RAB8A: variants seen among roughly 807,000 people sequenced by gnomAD.
RAB8A encodes the protein RAB8A, member RAS oncogene family.
A neutral mutation model predicts 29.2 loss-of-function variants in RAB8A; 5 were observed. The ratio of observed to expected loss-of-function variants is 0.17; its 90% confidence interval spans 0.09 to 0.36. The LOEUF is 0.36. Ranked by LOEUF, RAB8A falls within the 10% of genes least tolerant of loss-of-function variation. The pLI is 1.00. For synonymous variants in RAB8A, 108 were observed against 99.9 expected (o/e 1.08, Z -0.49); for missense variants, 171 against 272.2 (o/e 0.63, Z 2.62).
chr19:16,125,742 AC>A lies in RAB8A; in HGVS notation c.324+199del. On this transcript the variant is annotated intron_variant, in intron 4 of 7. Coordinates refer to ENST00000300935, the MANE Select transcript of RAB8A (RefSeq NM_005370.5). This position sits in a 1 kb window ranked among gnomAD's most constrained non-coding sequence, Gnocchi z 5.0. Reference sequence around the variant, plus strand: ...AGGGACCACACACTGGCCTGGCCCCACCCCGGAGCCCCTCGGAGCCCATCCC... The same window carrying A: ...AGGGACCACACACTGGCCTGGCCCCACCCGGAGCCCCTCGGAGCCCATCCC... The A allele has an allele frequency of 1.4e-6, 1 of 694,232 alleles. No homozygotes were observed. Among genetic ancestry groups the A allele is most frequent in the Non-Finnish European group, 2.6e-6 (1 of 379,960 alleles). 43.0% of individuals were successfully genotyped at this position (694,232 alleles called of 1,614,324 possible).
rs191138852 is a variant in RAB8A at position 16,112,321 on chromosome 19, C to T, written c.124+296C>T. ...CTTCGCGCCCGTCCTCTCGATCTGT[C>T]CTAGCAGCAGCCCTCGAAGCGGTTC... On this transcript the variant is annotated intron_variant, in intron 1 of 7. Coordinates refer to ENST00000300935, the MANE Select transcript of RAB8A (RefSeq NM_005370.5). 530 of 369,080 alleles carry T rather than the reference C, an allele frequency of 1.4e-3. 2 individuals carry two copies. Among genetic ancestry groups the T allele is most frequent in the African/African-American group, 0.01 (501 of 47,974 alleles). The allele number at this position is 369,080 out of a possible 1,614,324, so 22.9% of individuals were successfully genotyped here. A position where few individuals can be genotyped will look rare whatever the true frequency, so the allele number is the denominator to read the frequency against.
chr19:16,123,491 C>T (rs947724135), intron 3 of RAB8A, among the ~76,000 whole-genome samples: 14 of 152,150 alleles, frequency 9.2e-5, no homozygotes, highest in African/African-American at 3.1e-4. Flanking sequence ...CCTGTAATCC[C>T]AGCTACTCAG....
In RAB8A at chr19:16,125,658, A is replaced by G. The variant is rs2090897224; in HGVS notation, c.324+111A>G. On this transcript the variant is annotated intron_variant, in intron 4 of 7. Transcript: ENST00000300935. This position sits in a 1 kb window ranked among gnomAD's most constrained non-coding sequence, Gnocchi z 5.0. ...AGAGACACATACAGGCCACTTGCCC[A>G]CAGCCTCCTAGTCAGGGACATGGTG... 2 of 1,008,744 alleles carry G rather than the reference A, an allele frequency of 2.0e-6. No individual in the cohort carries two copies. The highest frequency in any genetic ancestry group is 3.1e-6 in the Non-Finnish European group (2 of 654,134). The allele number at this position is 1,008,744 out of a possible 1,614,324, so 62.5% of individuals were successfully genotyped here.
chr19:16,120,438 G>C (rs1001011335), intron 2 of RAB8A, among the ~76,000 whole-genome samples: 2 of 147,636 alleles, frequency 1.4e-5, no homozygotes, highest in African/African-American at 2.5e-5. Context: ...TCAGCTTCCC[G>C]AGTAGCTGGG....
chr19:16,129,706 C>A, intron 7 of RAB8A, 102 bp downstream of exon 7: 4 of 1,119,230 alleles, frequency 3.6e-6, no homozygotes, highest in Non-Finnish European at 5.4e-6. Context: ...CTTTTTAGGG[C>A]CCAGCCAGAC....
chr19:16,121,783 C>T lies in RAB8A; in HGVS notation c.219C>T (p.Ile73=). Residue 73 remains isoleucine (I), a synonymous_variant, in exon 3 of 8, where the codon ATC becomes ATT. Transcript: ENST00000300935. ...CCGGTCAGGAACGGTTTCGGACGAT[C>T]ACAACGGCCTACTACAGGGGTGCAA... ...DTAGQERFRT[I]TTAYYRGAMG... is the part of the protein sequence containing the mutation. 1 of 1,614,072 alleles carries T rather than the reference C, an allele frequency of 6.2e-7. No homozygotes were observed. The highest frequency in any genetic ancestry group is 1.3e-5 in the African/African-American group (1 of 75,034).
rs559218773 is a variant in RAB8A at position 16,133,345 on chromosome 19, C to T, written c.*1041C>T. On this transcript the variant is annotated 3_prime_UTR_variant, in exon 8 of 8. Transcript: ENST00000300935. ...ACAGCAGTCTGGCTTGATTTTCAGCCGTCATCATTGGGTTCTGTTTTGACA... is the reference window on the plus strand; with the variant it reads ...ACAGCAGTCTGGCTTGATTTTCAGCTGTCATCATTGGGTTCTGTTTTGACA... 1.4e-4 allele frequency: 21 copies of T among 152,394 alleles called. 1 individual carries two copies. In the East Asian group the frequency reaches 3.3e-3, roughly 24 times the overall value. 9.4% of individuals were successfully genotyped at this position (152,394 alleles called of 1,614,324 possible).
chr19:16,119,810 T>G (rs1453668852), intron 2 of RAB8A, among the ~76,000 whole-genome samples: 1 of 151,970 alleles, frequency 6.6e-6, no homozygotes, highest in East Asian at 1.9e-4. Context: ...CTGGTTTTTT[T>G]TTTTGTTTCT....
intron 7 of RAB8A, among the ~76,000 whole-genome samples, chr19:16,130,765 C>G (rs2090921326): frequency 6.6e-6 from 1 of 152,120 alleles, no homozygotes; most frequent in African/African-American, 2.4e-5. Context: ...ATCCTCCCAC[C>G]TCCGCCTCCC....
intron 2 of RAB8A, among the ~76,000 whole-genome samples, chr19:16,121,036 C>A (rs1296996811): frequency 6.6e-6 from 1 of 151,888 alleles, no homozygotes; most frequent in African/African-American, 2.4e-5. Context: ...CCTGCCTCAG[C>A]CTCCCAGGTA....
intron 7 of RAB8A, among the ~76,000 whole-genome samples, chr19:16,130,824 TTC>T (rs1230330002): frequency 1.3e-5 from 2 of 151,808 alleles, no homozygotes; most frequent in East Asian, 3.9e-4. Flanking sequence ...CTAATTTTTT[TTC>T]TTTTTCTTTT....
rs2090894936 is a variant in RAB8A at position 16,125,384 on chromosome 19, C to G, written c.247-86C>G. ...CTGGCTGTGCAGTGGGTGCTGGGCTCCCCACCACTGTTCTCTGGTGCCGCT... is the reference window on the plus strand; with the variant it reads ...CTGGCTGTGCAGTGGGTGCTGGGCTGCCCACCACTGTTCTCTGGTGCCGCT... On this transcript the variant is annotated intron_variant, in intron 3 of 7. Coordinates refer to ENST00000300935, the MANE Select transcript of RAB8A (RefSeq NM_005370.5). The surrounding 1 kb of genome is among the most constrained non-coding windows in gnomAD (Gnocchi z 5.0). 4.2e-6 allele frequency: 5 copies of G among 1,200,340 alleles called. No individual in the cohort carries two copies. Among genetic ancestry groups the G allele is most frequent in the Non-Finnish European group, 6.0e-6 (5 of 827,178 alleles). 74.4% of individuals were successfully genotyped at this position (1,200,340 alleles called of 1,614,324 possible).
At chr19:16,114,606 G>A (rs1439987456) in intron 1 of RAB8A, among the ~76,000 whole-genome samples, 1 of 146,700 alleles carries the variant, frequency 6.8e-6, no homozygotes, top group African/African-American at 2.5e-5. Flanking sequence ...GGCCAGGCTG[G>A]TCTCGAACTC....
rs2090877836 is a variant in RAB8A, at chr19:16,122,072, G to A, written c.246+262G>A. 1 of 410,592 alleles carries A rather than the reference G, an allele frequency of 2.4e-6. No individual in the cohort carries two copies. The highest frequency in any genetic ancestry group is 4.5e-6 in the Non-Finnish European group (1 of 223,338). 25.4% of individuals were successfully genotyped at this position (410,592 alleles called of 1,614,324 possible). On this transcript the variant is annotated intron_variant, in intron 3 of 7. Transcript: ENST00000300935. The surrounding 1 kb of genome is among the most constrained non-coding windows in gnomAD (Gnocchi z 4.7). The stretch of plus-strand genomic sequence containing the variant: ...TTCTTTGGGAATGAAGAAAGACACA[G>A]GAAGCCGGTTCTTCCAGGTGAGCTC...
intron 1 of RAB8A, chr19:16,112,265 C>G (rs1005884201): frequency 1.9e-6 from 1 of 530,958 alleles, no homozygotes; most frequent in South Asian, 2.1e-5. Context: ...TCAGCCCGCT[C>G]GTTAGGGCGT....
At chr19:16,115,552 T>C (rs1599394400) in intron 1 of RAB8A, among the ~76,000 whole-genome samples, 1 of 152,128 alleles carries the variant, frequency 6.6e-6, no homozygotes, top group Non-Finnish European at 1.5e-5. Context: ...AGTGAAAGGG[T>C]TGGCATTTGA....
chr19:16,131,339 G>A (rs1266156637), intron 7 of RAB8A, among the ~76,000 whole-genome samples: 2 of 152,240 alleles, frequency 1.3e-5, no homozygotes, highest in African/African-American at 2.4e-5. Context: ...AAGAGAATTG[G>A]ATGGATGGGT....
At chr19:16,129,686 C>T (rs1302664316) in intron 7 of RAB8A, 82 bp downstream of exon 7, 1 of 1,392,744 alleles carries the variant, frequency 7.2e-7, no homozygotes, top group African/African-American at 1.4e-5. Context: ...ATGACGTGCC[C>T]TAGATCCTGC....
At chr19:16,119,058 A>G (rs1021528419) in intron 2 of RAB8A, among the ~76,000 whole-genome samples, 3 of 152,296 alleles carry the variant, frequency 2.0e-5, no homozygotes, top group Admixed American at 1.3e-4. Flanking sequence ...AAACCAGGCA[A>G]GTGCCTTTGA....
Sources: gnomAD v4.1 joint callset for allele counts (sites outside exome capture counted in the v4.1 genomes callset) on GRCh38, gnomAD v4.1.1 for gene constraint, Gnocchi (gnomAD v3.1) non-coding constraint, MANE v1.5 for transcripts, NCBI Gene and HGNC (gene_info 2026-07-23, HGNC 2026-07-21) for gene names.